Variants in FMNL2 observed in about 807,000 individuals in gnomAD.
The protein encoded by FMNL2 is formin-like protein 2.
FMNL2 carries 51 observed loss-of-function variants against 130.2 expected under a neutral mutation model. That is an observed-to-expected ratio of 0.39 (90% CI 0.31 to 0.49). The LOEUF is 0.49. Ranked by LOEUF, FMNL2 falls within the 20% of genes least tolerant of loss-of-function variation. FMNL2 has a pLI of 0.85. For synonymous variants in FMNL2, 465 were observed against 467.1 expected, an observed-to-expected ratio of 1.00 and a Z score of 0.06; for missense variants, 977 against 1,316.2, an observed-to-expected ratio of 0.74 and a Z score of 3.99.
chr2:152,361,310 C>T (rs1191568219), intron 1 of FMNL2, among the ~76,000 whole-genome samples: 1 of 152,108 alleles, frequency 6.6e-6, no homozygotes, highest in Admixed American at 6.6e-5. Flanking sequence ...TTTTTACTCA[C>T]TTGAAAACTT....
chr2:152,539,283 T>C (rs910637682), intron 2 of FMNL2: 16 of 153,510 alleles, frequency 1.0e-4, no homozygotes, highest in African/African-American at 3.4e-4. Flanking sequence ...TCTGTTCATT[T>C]TGATCCTCTT....
chr2:152,590,327 G>A (rs1189622833), intron 9 of FMNL2, among the ~76,000 whole-genome samples: 1 of 151,956 alleles, frequency 6.6e-6, no homozygotes, highest in Non-Finnish European at 1.5e-5. Context: ...TATATTAACC[G>A]TCTTATTAAA....
At chr2:152,361,612 C>A (rs548428360) in intron 1 of FMNL2, among the ~76,000 whole-genome samples, 1 of 152,190 alleles carries the variant, frequency 6.6e-6, no homozygotes, top group East Asian at 1.9e-4. Flanking sequence ...TAAAATCATC[C>A]ATTTTCTTGG....
intron 1 of FMNL2, among the ~76,000 whole-genome samples, chr2:152,351,176 C>G (rs1198474783): frequency 6.6e-6 from 1 of 152,124 alleles, no homozygotes; most frequent in Non-Finnish European, 1.5e-5. Flanking sequence ...TGAAACAACC[C>G]TAGAAAGCAA....
At chr2:152,371,838 C>T (rs1056022305) in intron 1 of FMNL2, among the ~76,000 whole-genome samples, 1 of 151,918 alleles carries the variant, frequency 6.6e-6, no homozygotes, top group Non-Finnish European at 1.5e-5. Flanking sequence ...GAGACATGAG[C>T]TAGCAGACTT....
intron 1 of FMNL2, among the ~76,000 whole-genome samples, chr2:152,461,924 T>G (rs78938525): frequency 0.077 from 11,698 of 151,880 alleles, 690 homozygotes; most frequent in Admixed American, 0.21. Context: ...TGAGACAAGA[T>G]CTCTCTTTGT....
intron 10 of FMNL2, among the ~76,000 whole-genome samples, chr2:152,609,186 A>C (rs184829842): frequency 6.6e-6 from 1 of 152,360 alleles, no homozygotes. Flanking sequence ...CAGTTCGTTT[A>C]TTCACATATA....
At chr2:152,550,114 T>A (rs1694856110) in intron 4 of FMNL2, among the ~76,000 whole-genome samples, 2 of 152,324 alleles carry the variant, frequency 1.3e-5, no homozygotes, top group South Asian at 4.1e-4. Flanking sequence ...CCCCCCCTCA[T>A]CAATGTCATA....
chr2:152,462,000 A>G (rs1689276836), intron 1 of FMNL2, among the ~76,000 whole-genome samples: 1 of 152,014 alleles, frequency 6.6e-6, no homozygotes, highest in Admixed American at 6.6e-5. Context: ...GTCTCAAGCA[A>G]TCCTCCCACC....
chr2:152,391,492 G>A (rs1197779698), intron 1 of FMNL2, among the ~76,000 whole-genome samples: 1 of 152,096 alleles, frequency 6.6e-6, no homozygotes, highest in East Asian at 1.9e-4. Flanking sequence ...TGGCTGGGAG[G>A]TGTAATTGGG....
chr2:152,536,294 A>G (rs547556704), intron 2 of FMNL2, among the ~76,000 whole-genome samples: 1 of 152,352 alleles, frequency 6.6e-6, no homozygotes, highest in South Asian at 2.1e-4. Flanking sequence ...TCTATTTTAG[A>G]GGGTAAAACC....
At chr2:152,529,192 G>T (rs967363007) in intron 2 of FMNL2, among the ~76,000 whole-genome samples, 1 of 152,150 alleles carries the variant, frequency 6.6e-6, no homozygotes, top group African/African-American at 2.4e-5. Flanking sequence ...TAGGCATTTA[G>T]TTTTATAGGT....
At chr2:152,538,780 C>T (rs753717499) in intron 2 of FMNL2, among the ~76,000 whole-genome samples, 32 of 152,284 alleles carry the variant, frequency 2.1e-4, no homozygotes, top group Non-Finnish European at 2.9e-4. Flanking sequence ...AAAGGAACCA[C>T]TGTTTGAGTT....
intron 5 of FMNL2, among the ~76,000 whole-genome samples, chr2:152,559,196 A>G (rs1695393929): frequency 6.6e-6 from 1 of 152,220 alleles, no homozygotes; most frequent in African/African-American, 2.4e-5. Context: ...TGATGTCTGC[A>G]TGTATATTTG....
intron 1 of FMNL2, among the ~76,000 whole-genome samples, chr2:152,336,794 T>A (rs1189007826): frequency 6.6e-6 from 1 of 152,196 alleles, no homozygotes; most frequent in Admixed American, 6.5e-5. Context: ...TCTCTTTTCC[T>A]AGTTGGTTAC....
chr2:152,491,619 A>G (rs1359542603), intron 1 of FMNL2, among the ~76,000 whole-genome samples: 1 of 152,184 alleles, frequency 6.6e-6, no homozygotes, highest in African/African-American at 2.4e-5. Flanking sequence ...AGTGTATTTT[A>G]TCTTCATAAT....
At chr2:152,417,116 C>A (rs1417993159) in intron 1 of FMNL2, among the ~76,000 whole-genome samples, 1 of 152,182 alleles carries the variant, frequency 6.6e-6, no homozygotes, top group Non-Finnish European at 1.5e-5. Flanking sequence ...ATCCTAGTCT[C>A]ATTAGGGAAC....
intron 1 of FMNL2, among the ~76,000 whole-genome samples, chr2:152,479,051 AAT>A (rs1349831593): frequency 6.6e-6 from 1 of 152,206 alleles, no homozygotes; most frequent in East Asian, 1.9e-4. Context: ...ACACATATAA[AAT>A]ATGAGATAAA....
chr2:152,419,852 A>G (rs1372159950), intron 1 of FMNL2, among the ~76,000 whole-genome samples: 2 of 152,144 alleles, frequency 1.3e-5, no homozygotes, highest in Non-Finnish European at 2.9e-5. Context: ...GAAGCTGCAG[A>G]ATATGGGAGA....
Sources: allele counts gnomAD v4.1 joint callset (sites outside exome capture counted in the v4.1 genomes callset), GRCh38; gene constraint gnomAD v4.1.1; transcripts MANE v1.5; gene names NCBI Gene and HGNC (gene_info 2026-07-23, HGNC 2026-07-21).